Variants in SFXN5 observed in about 807,000 individuals in gnomAD.
SFXN5 encodes sideroflexin-5.
A neutral mutation model predicts 50.2 loss-of-function variants in SFXN5; 43 were observed. The ratio of observed to expected loss-of-function variants is 0.86; its 90% CI spans 0.67 to 1.11. The LOEUF is 1.11. SFXN5 is among the 50% of genes least tolerant of loss of function. The pLI, the probability that SFXN5 is intolerant of heterozygous loss-of-function variation, is 0.00. For synonymous variants in SFXN5, 203 were observed against 185.8 expected (o/e 1.09, Z -0.75); for missense variants, 463 against 454.1 (o/e 1.02, Z -0.18).
At chr2:73,002,855 G>A (rs755207225) in intron 6 of SFXN5, among the ~76,000 whole-genome samples, 16 of 152,148 alleles carry the variant, frequency 1.1e-4, no homozygotes, top group Non-Finnish European at 2.4e-4. Flanking sequence ...GAGAATCAGG[G>A]GAACCTGGGT....
rs1490397343 is a variant in SFXN5 at position 72,945,560 on chromosome 2, G to C, written c.946-461C>G. Among the ~76,000 whole-genome samples, 2 of 151,914 alleles carry C rather than the reference G, an allele frequency of 1.3e-5. No individual in the cohort carries two copies. Among genetic ancestry groups the C allele is most frequent in the Non-Finnish European group, 2.9e-5 (2 of 67,964 alleles). On this transcript the variant is annotated intron_variant, in intron 13 of 13. Transcript: ENST00000272433. This position sits in a 1 kb window ranked among gnomAD's most constrained non-coding sequence, Gnocchi z 5.8. ...TCCTTCCAGCACCCCACTCACTCCT[G>C]CTTCTCTGTTTCCAGTCCCCTAGAC...
intron 2 of SFXN5, among the ~76,000 whole-genome samples, chr2:73,047,281 C>CATATAT (rs372933316): frequency 5.1e-5 from 3 of 58,512 alleles, no homozygotes; most frequent in Non-Finnish European, 3.2e-5. Flanking sequence ...TATATACACA[C>CATATAT]ATATATATAT....
At chr2:73,018,767 A>G (rs1197674669) in intron 6 of SFXN5, among the ~76,000 whole-genome samples, 6 of 152,232 alleles carry the variant, frequency 3.9e-5, no homozygotes, top group Non-Finnish European at 8.8e-5. Flanking sequence ...TTTATCTTGG[A>G]TAAATACCTA....
chr2:73,032,452 A>C (rs1678433905), intron 3 of SFXN5, among the ~76,000 whole-genome samples: 1 of 152,126 alleles, frequency 6.6e-6, no homozygotes, highest in Non-Finnish European at 1.5e-5. Context: ...GTGGAGAAGC[A>C]ATCCGGGTGA....
intron 10 of SFXN5, among the ~76,000 whole-genome samples, chr2:72,985,125 T>C (rs528830110): frequency 1.3e-5 from 2 of 152,174 alleles, no homozygotes; most frequent in African/African-American, 2.4e-5. Context: ...TCACTGCCAC[T>C]TTCCCCAACC....
At chr2:73,012,649 AAC>A (rs57635824) in intron 6 of SFXN5, among the ~76,000 whole-genome samples, 19,269 of 125,462 alleles carry the variant, frequency 0.15, 1,391 homozygotes, top group Admixed American at 0.18. Context: ...CTAGCCAAAC[AAC>A]ACACACACAC....
At chr2:73,010,138 C>T (rs1675311321) in intron 6 of SFXN5, among the ~76,000 whole-genome samples, 1 of 152,198 alleles carries the variant, frequency 6.6e-6, no homozygotes, top group Admixed American at 6.5e-5. Context: ...TTGCCTATCA[C>T]CATTCTTCCC....
intron 11 of SFXN5, among the ~76,000 whole-genome samples, chr2:72,970,968 G>A (rs1402118330): frequency 1.3e-5 from 2 of 152,164 alleles, no homozygotes; most frequent in African/African-American, 2.4e-5. Context: ...AATTACAGGC[G>A]TGAGCTACTG....
chr2:72,968,092 ATT>A (rs1674654838), intron 12 of SFXN5, among the ~76,000 whole-genome samples: 1 of 150,384 alleles, frequency 6.6e-6, no homozygotes, highest in Non-Finnish European at 1.5e-5. Context: ...TGTACATACT[ATT>A]CACTGAGAGC....
At chr2:73,012,166 C>A (rs1675583127) in intron 6 of SFXN5, among the ~76,000 whole-genome samples, 1 of 152,240 alleles carries the variant, frequency 6.6e-6, no homozygotes, top group African/African-American at 2.4e-5. Context: ...TAAATGTATG[C>A]AGATATCTAG....
At chr2:73,011,789 G>T (rs1375531101) in intron 6 of SFXN5, among the ~76,000 whole-genome samples, 1 of 152,180 alleles carries the variant, frequency 6.6e-6, no homozygotes, top group African/African-American at 2.4e-5. Flanking sequence ...CAAAAGCATG[G>T]AGAAATATAG....
At chr2:73,004,315 G>GCACACACACACACACACA (rs59114781) in intron 6 of SFXN5, among the ~76,000 whole-genome samples, 2 of 115,556 alleles carry the variant, frequency 1.7e-5, no homozygotes, top group African/African-American at 5.5e-5. Flanking sequence ...GAGTGCGCGC[G>GCACACACACACACACACA]CACACACACA....
intron 10 of SFXN5, among the ~76,000 whole-genome samples, chr2:72,981,819 G>A (rs969332462): frequency 6.6e-6 from 1 of 152,060 alleles, no homozygotes; most frequent in Non-Finnish European, 1.5e-5. Flanking sequence ...AATTATCCCC[G>A]CCCTTTTCTC....
At chr2:73,041,135 G>T (rs183342694) in intron 2 of SFXN5, among the ~76,000 whole-genome samples, 1 of 152,206 alleles carries the variant, frequency 6.6e-6, no homozygotes, top group Non-Finnish European at 1.5e-5. Flanking sequence ...AGAGCTACAT[G>T]TGCTTCCATG....
chr2:73,018,100 C>T (rs182183733), intron 6 of SFXN5, among the ~76,000 whole-genome samples: 18 of 151,888 alleles, frequency 1.2e-4, no homozygotes, highest in East Asian at 7.7e-4. Flanking sequence ...CCTAGCTACT[C>T]GGGAGGCTGA....
intron 10 of SFXN5, among the ~76,000 whole-genome samples, chr2:72,984,585 G>T (rs1425205902): frequency 6.6e-6 from 1 of 152,238 alleles, no homozygotes; most frequent in Non-Finnish European, 1.5e-5. Flanking sequence ...TCATTCTTCT[G>T]TAAGAGGGTG....
Position 72,968,492 on chromosome 2 carries a change from C to G in SFXN5, c.783G>C (p.Met261Ile). 1 of 1,613,310 alleles carries G rather than the reference C, an allele frequency of 6.2e-7. No individual in the cohort carries two copies. The highest frequency in any genetic ancestry group is 8.5e-7 in the Non-Finnish European group (1 of 1,180,014). ...ETALTRVVLPMPILVLPPIVM... is the reference protein window; with the variant it reads ...ETALTRVVLPIPILVLPPIVM... ...CGATCGGGGGTAGCACCAGGATGGG[C>G]ATGGGCAGGACCACTCGCGTCAGCG... is the stretch of plus-strand genomic sequence containing the variant. Residue 261 changes from methionine (M) to isoleucine (I), a missense_variant, in exon 12 of 14, where the codon ATG (methionine) becomes ATC (isoleucine). Transcript: ENST00000272433.
At chr2:72,980,024 C>T (rs1671094899) in intron 10 of SFXN5, among the ~76,000 whole-genome samples, 1 of 152,126 alleles carries the variant, frequency 6.6e-6, no homozygotes, top group African/African-American at 2.4e-5. Context: ...AAGCATGAGA[C>T]TTCAGCTGCT....
rs1323310860 is a variant in SFXN5, at chr2:72,992,358, C to A, written c.535-4010G>T. Among the ~76,000 whole-genome samples, 2 of 152,174 alleles carry A rather than the reference C, an allele frequency of 1.3e-5. No homozygotes were observed. Among genetic ancestry groups the A allele is most frequent in the African/African-American group, 4.8e-5 (2 of 41,424 alleles). ...AAGTACCAAGGGCTTTCCGGGCCAA[C>A]AACAGGCCAGCAAGGAGACACTGGA... On this transcript the variant is annotated intron_variant, in intron 9 of 13. Coordinates refer to ENST00000272433, the MANE Select transcript of SFXN5 (RefSeq NM_144579.3). This position sits in a 1 kb window ranked among gnomAD's most constrained non-coding sequence, Gnocchi z 4.5.
Sources: gnomAD v4.1 joint callset for allele counts (sites outside exome capture counted in the v4.1 genomes callset) on GRCh38, gnomAD v4.1.1 for gene constraint, Gnocchi (gnomAD v3.1) non-coding constraint, MANE v1.5 for transcripts, NCBI Gene and HGNC (gene_info 2026-07-23, HGNC 2026-07-21) for gene names.